TPRX1: variants seen among roughly 807,000 people sequenced by gnomAD.
The protein encoded by TPRX1 is tetra-peptide repeat homeobox protein 1.
Under a neutral mutation model 8.1 loss-of-function variants are expected in TPRX1, and 2 were observed. The ratio of observed to expected loss-of-function variants is 0.25; its 90% CI spans 0.10 to 0.78. TPRX1 has a LOEUF of 0.78. TPRX1 is among the 30% of genes least tolerant of loss of function. The pLI, the probability that TPRX1 is intolerant of heterozygous loss-of-function variation, is 0.70. For synonymous variants in TPRX1, 257 were observed against 254.1 expected (o/e 1.01, Z -0.11); for missense variants, 517 against 586.9 (o/e 0.88, Z 1.23).
intron 2 of TPRX1, among the ~76,000 whole-genome samples, chr19:47,816,746 A>G (rs771514051): frequency 5.9e-5 from 9 of 151,396 alleles, no homozygotes; most frequent in Non-Finnish European, 1.3e-4. Context: ...GTTAGCCAGG[A>G]TGGTCTCGAT....
intron 2 of TPRX1, among the ~76,000 whole-genome samples, chr19:47,813,108 A>AAAATAAAT (rs373835462): frequency 0.15 from 20,486 of 134,314 alleles, 1,906 homozygotes; most frequent in Middle Eastern, 0.21. Flanking sequence ...CTGTGTCTCA[A>AAAATAAAT]AAATAAATAA....
At chr19:47,801,956 T>C in exon 4 of TPRX1, 1 of 1,613,904 alleles carries the variant, frequency 6.2e-7, no homozygotes. Context: ...CTCTGTGAAG[T>C]GAGGGAATAA....
At position 47,803,127 on chromosome 19, in the gene TPRX1, A is replaced by C. The variant is rs528725144; in HGVS notation, c.322-147T>G. 70 of 766,982 alleles carry C rather than the reference A, an allele frequency of 9.1e-5. No homozygotes were observed. In the Middle Eastern group the frequency reaches 1.4e-3, roughly 15 times the overall value. The allele number at this position is 766,982 out of a possible 1,614,324, so 47.5% of individuals were successfully genotyped here. ...CCCACCAAAAGAGGGCCCCGGCTCC[A>C]AGGCCTGGAGAATGGAGGGAAGAGG... On this transcript the variant is annotated intron_variant, in intron 3 of 3. Coordinates refer to ENST00000535759, the Ensembl canonical transcript of TPRX1.
chr19:47,817,476 C>G (rs1277617915), intron 2 of TPRX1, among the ~76,000 whole-genome samples: 1 of 152,200 alleles, frequency 6.6e-6, no homozygotes, highest in Non-Finnish European at 1.5e-5. Flanking sequence ...GGATGCTCGC[C>G]ACAGCCCCAC....
chr19:47,803,242 G>A (rs1215892475), intron 3 of TPRX1, among the ~76,000 whole-genome samples: 2 of 151,960 alleles, frequency 1.3e-5, no homozygotes, highest in East Asian at 1.9e-4. Flanking sequence ...GGGTTCGAGG[G>A]GAGGGACCGC....
At chr19:47,802,452 T>A in exon 4 of TPRX1, 1 of 1,475,474 alleles carries the variant, frequency 6.8e-7, no homozygotes, top group South Asian at 1.2e-5. Flanking sequence ...GGGCCTGGGA[T>A]CGGGCCTGGG....
intron 1 of TPRX1, chr19:47,818,580 T>C (rs934760251): frequency 1.1e-5 from 5 of 455,918 alleles, no homozygotes; most frequent in African/African-American, 1.0e-4. Context: ...GTAAGAGTTT[T>C]GCAAAAGATT....
chr19:47,816,484 T>C (rs1271692268), intron 2 of TPRX1, among the ~76,000 whole-genome samples: 1 of 151,798 alleles, frequency 6.6e-6, no homozygotes, highest in East Asian at 1.9e-4. Flanking sequence ...CTCTAATCCA[T>C]AGCCTCAAAT....
At position 47,804,129 on chromosome 19, in the gene TPRX1, C is replaced by CAA. The variant is rs751684964; in HGVS notation, c.152-458_152-457dup. 2.6e-5 allele frequency among the ~76,000 whole-genome samples: 4 copies of CAA among 150,958 alleles called. No homozygotes were observed. In the East Asian group the frequency reaches 7.9e-4, roughly 30 times the overall value. ...GGAGTGCAGTGATGTGATCACGGCT[C>CAA]AAGTCAGCCTCCACTTCCTGGGCTC... On this transcript the variant is annotated intron_variant, in intron 2 of 3. Transcript: ENST00000535759.
rs868693529 is a variant in TPRX1, at chr19:47,802,028, G to A, written c.1274C>T (p.Pro425Leu). 2 of 1,609,852 alleles carry A rather than the reference G, an allele frequency of 1.2e-6. No individual in the cohort carries two copies. The highest frequency in any genetic ancestry group is 4.5e-5 in the East Asian group (2 of 44,888). The change falls in exon 4 of 4, where the codon CCA (proline) becomes CTA (leucine). Residue 425 changes from proline (P) to leucine (L), a missense_variant. Pro to Leu is a moderately conservative substitution (Grantham distance 98). Coordinates refer to ENST00000535759, the Ensembl canonical transcript of TPRX1. ...CTGAGGCCATAAGGGGGCTGGGGCT[G>A]GGAGTGATCCTGGGCCTGGGATTGG...
chr19:47,817,711 A>C (rs1460106484), intron 2 of TPRX1, among the ~76,000 whole-genome samples: 1 of 152,156 alleles, frequency 6.6e-6, no homozygotes, highest in East Asian at 1.9e-4. Flanking sequence ...TCATTGTGAC[A>C]GCTTGTCACT....
At chr19:47,810,832 G>C (rs1272510075) in intron 2 of TPRX1, among the ~76,000 whole-genome samples, 1 of 151,946 alleles carries the variant, frequency 6.6e-6, no homozygotes, top group Non-Finnish European at 1.5e-5. Flanking sequence ...ACAAGGAGTT[G>C]TTTGGGCTTT....
exon 2 of TPRX1, chr19:47,818,515 C>A (rs755961149): frequency 2.0e-5 from 9 of 455,962 alleles, no homozygotes; most frequent in Non-Finnish European, 4.0e-5. Flanking sequence ...CAGCTGAGAA[C>A]AAGACAGACA....
chr19:47,815,267 G>A (rs1206169533), intron 2 of TPRX1, among the ~76,000 whole-genome samples: 2 of 143,838 alleles, frequency 1.4e-5, no homozygotes, highest in African/African-American at 2.5e-5. Context: ...CGATTGTCCT[G>A]CCTCAGCCTC....
exon 4 of TPRX1, chr19:47,802,566 ATGGGCCTGGGATCTGGAC>A: frequency 2.1e-6 from 3 of 1,450,910 alleles, no homozygotes; most frequent in South Asian, 1.2e-5. Context: ...GGGCCACGGA[ATGGGCCTGGGATCTGGAC>A]TGGGCCTGAA....
intron 2 of TPRX1, among the ~76,000 whole-genome samples, chr19:47,804,885 C>T (rs1967720954): frequency 6.6e-6 from 1 of 152,218 alleles, no homozygotes; most frequent in African/African-American, 2.4e-5. Flanking sequence ...AGGAGAGGCA[C>T]CGCCAGCCAG....
intron 2 of TPRX1, among the ~76,000 whole-genome samples, chr19:47,808,062 T>G (rs896715924): frequency 6.6e-5 from 10 of 152,118 alleles, no homozygotes; most frequent in Admixed American, 2.6e-4. Flanking sequence ...CCTGAGTAGG[T>G]GGGACTACAG....
exon 4 of TPRX1, chr19:47,801,500 C>A: frequency 2.8e-6 from 1 of 362,258 alleles, no homozygotes. Flanking sequence ...TGGGAAAAGC[C>A]CTTTAGAAAG....
exon 4 of TPRX1, chr19:47,801,624 C>G (rs1308212205): frequency 8.8e-6 from 8 of 912,054 alleles, no homozygotes; most frequent in Non-Finnish European, 1.3e-5. Flanking sequence ...ACAGCAGAGC[C>G]ACCTGTGATA....
Sources: gnomAD v4.1 joint callset for allele counts (sites outside exome capture counted in the v4.1 genomes callset) on GRCh38, gnomAD v4.1.1 for gene constraint, MANE v1.5 for transcripts, NCBI Gene and HGNC (gene_info 2026-07-23, HGNC 2026-07-21) for gene names.